The following ZFC3H1 variants were observed in gnomAD, a reference collection of about 807,000 sequenced individuals.
ZFC3H1 encodes the protein zinc finger C3H1 domain-containing protein.
ZFC3H1 carries 71 observed loss-of-function variants against 243.7 expected under a neutral mutation model. The observed-to-expected ratio is 0.29, with a 90% confidence interval of 0.24 to 0.36. The LOEUF (loss-of-function observed/expected upper bound fraction) is 0.36. ZFC3H1 is among the 10% of genes least tolerant of loss of function. ZFC3H1 has a pLI of 1.00. For synonymous variants in ZFC3H1, 838 were observed against 813.0 expected (o/e 1.03, Z -0.52); for missense variants, 1,966 against 2,317.1 (o/e 0.85, Z 3.11).
rs1285713686 is a variant in ZFC3H1, at chr12:71,635,594, A to G, written c.2101-14T>C. The G allele has an allele frequency of 1.3e-6, 2 of 1,524,416 alleles. No homozygotes were observed. Among genetic ancestry groups the G allele is most frequent in the African/African-American group, 1.4e-5 (1 of 69,448 alleles). 94.4% of individuals were successfully genotyped at this position (1,524,416 alleles called of 1,614,324 possible). On this transcript the variant is annotated splice_polypyrimidine_tract_variant and intron_variant, in intron 9 of 34. Transcript: ENST00000378743. Reference sequence around the variant, plus strand: ...ATGCTTTGGAAGCTGCAAAGACAATATATTTATTACTCGTGATAACAAAAG... The same window carrying G: ...ATGCTTTGGAAGCTGCAAAGACAATGTATTTATTACTCGTGATAACAAAAG...
Position 71,663,386 on chromosome 12 carries a change from T to C in ZFC3H1, c.225A>G (p.Ser75=), listed in dbSNP as rs1483661864. Residue 75 remains serine (S), a synonymous_variant, in exon 1 of 35, where the codon TCA becomes TCG. Coordinates refer to ENST00000378743, the MANE Select transcript of ZFC3H1 (RefSeq NM_144982.5). The part of the protein sequence containing the change: ...GSGGGGGSSS[S]SSSSQQQLRN... ...TCAGCTGCTGCTGAGAAGAGGACGA[T>C]GACGAGGAAGAGCCACCGCCTCCGC... is the stretch of plus-strand genomic sequence containing the variant. 9 of 1,612,332 alleles carry C rather than the reference T, an allele frequency of 5.6e-6. No homozygotes were observed. The highest frequency in any genetic ancestry group is 1.1e-5 in the South Asian group (1 of 91,074).
In ZFC3H1 at chr12:71,638,460, A is replaced by G. The variant is rs1328015273; in HGVS notation, c.1683T>C (p.Ser561=). The G allele has an allele frequency of 6.2e-7, 1 of 1,613,274 alleles. No individual in the cohort carries two copies. The highest frequency in any genetic ancestry group is 8.5e-7 in the Non-Finnish European group (1 of 1,179,730). ...FFSECSLGYF[S]PAPSLSLPPP... The stretch of plus-strand genomic sequence containing the variant: ...GAGGCAAAGAAAGAGATGGTGCTGG[A>G]GAAAAATACCCCAATGAACATTCAG... The change falls in exon 7 of 35, where the codon TCT becomes TCC. Residue 561 remains serine, a synonymous_variant. Transcript: ENST00000378743.
Position 71,624,342 on chromosome 12 carries a change from A to G in ZFC3H1, c.4318-50T>C, listed in dbSNP as rs12315109. 4.2e-4 allele frequency: 620 copies of G among 1,492,592 alleles called. 5 individuals carry two copies. In the African/African-American group the frequency reaches 7.9e-3, roughly 19 times the overall value. 92.5% of individuals were successfully genotyped at this position (1,492,592 alleles called of 1,614,324 possible). A position where few individuals can be genotyped will look rare whatever the true frequency, so the allele number is the denominator to read the frequency against. Reference sequence around the variant, plus strand: ...TAATGTTGCCTTTCAGGAATAAACCAAAACTACAGACTTTTCACATTTCAT... The same window carrying G: ...TAATGTTGCCTTTCAGGAATAAACCGAAACTACAGACTTTTCACATTTCAT... On this transcript the variant is annotated intron_variant, in intron 22 of 34. Transcript: ENST00000378743.
chr12:71,658,420 C>A (rs1036465309), intron 1 of ZFC3H1, among the ~76,000 whole-genome samples: 6 of 150,964 alleles, frequency 4.0e-5, no homozygotes, highest in African/African-American at 1.5e-4. Context: ...TCCTGAGTAG[C>A]TTGGATTACA....
At chr12:71,656,628 C>A in intron 2 of ZFC3H1, 1 of 599,916 alleles carries the variant, frequency 1.7e-6, no homozygotes, top group Middle Eastern at 4.1e-4. Flanking sequence ...AATTAGGAAA[C>A]AAAGGTGTCC....
chr12:71,610,851 C>T, intron 33 of ZFC3H1, 94 bp from the exon 34 acceptor site: 3 of 1,443,978 alleles, frequency 2.1e-6, no homozygotes, highest in Non-Finnish European at 2.9e-6. Flanking sequence ...TTCACAATAA[C>T]ATCTGAGACA....
chr12:71,644,243 T>G lies in ZFC3H1; in HGVS notation c.1355A>C (p.Lys452Thr). ...LQQQKEQERQ[K>T]EEDQRKQAEE... ...AGCTTGTTTCCGCTGATCCTCTTCTTTCTGTCTTTCCTGCTCTTTTTGTTG... is the reference window on the plus strand; with the variant it reads ...AGCTTGTTTCCGCTGATCCTCTTCTGTCTGTCTTTCCTGCTCTTTTTGTTG... Residue 452 changes from lysine to threonine, a missense_variant, in exon 5 of 35, where the codon AAA (lysine) becomes ACA (threonine). By Grantham distance (78) the Lys-to-Thr change is moderately conservative. Coordinates refer to ENST00000378743, the MANE Select transcript of ZFC3H1 (RefSeq NM_144982.5). 1 of 1,612,992 alleles carries G rather than the reference T, an allele frequency of 6.2e-7. No individual in the cohort carries two copies. The highest frequency in any genetic ancestry group is 8.5e-7 in the Non-Finnish European group (1 of 1,179,372).
chr12:71,613,242 AC>A, intron 31 of ZFC3H1, 92 bp downstream of exon 31: 1 of 881,374 alleles, frequency 1.1e-6, no homozygotes, highest in East Asian at 2.8e-5. Context: ...TAGTGGAACA[AC>A]AGACTATTTT....
rs1446521347 is a variant in ZFC3H1, at chr12:71,614,572, C to T, written c.5489G>A (p.Ser1830Asn). 1.2e-6 allele frequency: 2 copies of T among 1,611,318 alleles called. No homozygotes were observed. The highest frequency in any genetic ancestry group is 1.7e-6 in the Non-Finnish European group (2 of 1,178,798). ...VPARYPIPFS[S>N]ADYWSNYEFH... ...TTCATAGTTGGACCAGTAATCAGCA[C>T]TGCTAAAAGGAATGGGGTATCGGGC... is the stretch of plus-strand genomic sequence containing the variant. Residue 1830 changes from serine to asparagine, a missense_variant, in exon 30 of 35, where the codon AGT becomes AAT. By Grantham distance (46) the Ser-to-Asn change is conservative. This residue lies in a region of ZFC3H1 where 1,383 missense variants were observed against 1,723.7 expected (regional missense o/e 0.80). Transcript: ENST00000378743.
intron 2 of ZFC3H1, among the ~76,000 whole-genome samples, chr12:71,649,504 T>G (rs574617204): frequency 6.6e-6 from 1 of 152,224 alleles, no homozygotes; most frequent in African/African-American, 2.4e-5. Flanking sequence ...TTTTCATTTA[T>G]TCCTATCTTT....
At chr12:71,654,739 A>T (rs1880974159) in intron 2 of ZFC3H1, among the ~76,000 whole-genome samples, 1 of 152,210 alleles carries the variant, frequency 6.6e-6, no homozygotes. Flanking sequence ...AAAAAATGTG[A>T]GTAGACTATA....
chr12:71,611,055 T>C lies in ZFC3H1; in HGVS notation c.5769+3A>G. On this transcript the variant is annotated splice_donor_region_variant and intron_variant, in intron 33 of 34. Transcript: ENST00000378743. ...ACCCATCTGAGATTCAACCATGGCTTACCTCTCTTTGTCCCTTTAGAACAA... is the reference window on the plus strand; with the variant it reads ...ACCCATCTGAGATTCAACCATGGCTCACCTCTCTTTGTCCCTTTAGAACAA... The C allele has an allele frequency of 6.3e-7, 1 of 1,594,660 alleles. No individual in the cohort carries two copies. Among genetic ancestry groups the C allele is most frequent in the South Asian group, 1.2e-5 (1 of 86,632 alleles).
At chr12:71,652,028 C>G (rs1880899158) in intron 2 of ZFC3H1, among the ~76,000 whole-genome samples, 1 of 152,076 alleles carries the variant, frequency 6.6e-6, no homozygotes, top group Non-Finnish European at 1.5e-5. Flanking sequence ...CAATAAGAAG[C>G]AAGCTTGTAT....
At chr12:71,653,088 A>G (rs1880932121) in intron 2 of ZFC3H1, among the ~76,000 whole-genome samples, 1 of 152,248 alleles carries the variant, frequency 6.6e-6, no homozygotes, top group Non-Finnish European at 1.5e-5. Context: ...ACTGAAAATT[A>G]GCAGGGATAG....
At chr12:71,649,726 T>G (rs1050094934) in intron 2 of ZFC3H1, among the ~76,000 whole-genome samples, 3 of 152,228 alleles carry the variant, frequency 2.0e-5, no homozygotes, top group Admixed American at 6.5e-5. Context: ...AACACTAAAT[T>G]ATTCTCCTAC....
rs781562957 is a variant in ZFC3H1 at position 71,632,865 on chromosome 12, A to G, written c.2817+21T>C. On this transcript the variant is annotated intron_variant, in intron 14 of 34. Transcript: ENST00000378743. ...AAACTTTCTGCTTTCCAAAAGTAAA[A>G]TATTTCTATAAAACCCTCACCCCAA... is the stretch of plus-strand genomic sequence containing the variant. 8.7e-6 allele frequency: 14 copies of G among 1,603,512 alleles called. No individual in the cohort carries two copies. The African/African-American group carries it at 1.6e-4, about 19-fold the overall frequency.
At chr12:71,659,118 C>T (rs911707729) in intron 1 of ZFC3H1, among the ~76,000 whole-genome samples, 2 of 152,122 alleles carry the variant, frequency 1.3e-5, no homozygotes, top group Non-Finnish European at 2.9e-5. Flanking sequence ...CTTCAGGGAG[C>T]ACTACTTAGC....
chr12:71,624,199 T>G lies in ZFC3H1; in HGVS notation c.4411A>C (p.Asn1471His). ...TCTAAAAGCTGAAAGGACAAAATAT[T>G]GGATGTTTCCTGCTTGGCTGCTCCC... ...LMGAAKQETS[N>H]ILSFQLLEAL... is the part of the protein sequence containing the mutation. The change falls in exon 23 of 35, where the codon AAT becomes CAT. Residue 1471 changes from asparagine (N) to histidine (H), a missense_variant. Physicochemically the swap from Asn to His is moderately conservative, Grantham distance 68. Transcript: ENST00000378743. 1 of 1,614,100 alleles carries G rather than the reference T, an allele frequency of 6.2e-7. No individual in the cohort carries two copies. The highest frequency in any genetic ancestry group is 8.5e-7 in the Non-Finnish European group (1 of 1,180,000).
chr12:71,613,287 G>A lies in ZFC3H1; in HGVS notation c.5627+48C>T, dbSNP rs779504600. 1.7e-5 allele frequency: 23 copies of A among 1,349,534 alleles called. No homozygotes were observed. The South Asian group carries it at 2.7e-4, about 16-fold the overall frequency. 83.6% of individuals were successfully genotyped at this position (1,349,534 alleles called of 1,614,324 possible). On this transcript the variant is annotated intron_variant, in intron 31 of 34. Transcript: ENST00000378743. The stretch of plus-strand genomic sequence containing the variant: ...TTTCAAGAATAATCTTATATAAAGA[G>A]CCTATTCCATTAGGCAGAGGACCAA...
Sources: gnomAD v4.1 joint callset for allele counts (sites outside exome capture counted in the v4.1 genomes callset) on GRCh38, gnomAD v4.1.1 for gene constraint, gnomAD v4.1.1 regional missense constraint, MANE v1.5 for transcripts, NCBI Gene and HGNC (gene_info 2026-07-23, HGNC 2026-07-21) for gene names.